Variants in CEP350 observed in about 807,000 individuals in gnomAD.
CEP350 encodes centrosome-associated protein 350.
A neutral mutation model predicts 331.8 loss-of-function variants in CEP350; 126 were observed. The ratio of observed to expected loss-of-function variants is 0.38; its 90% CI spans 0.33 to 0.44. The LOEUF (loss-of-function observed/expected upper bound fraction) is 0.44, where lower values mean the gene tolerates loss of function less well. CEP350 is among the 20% of genes least tolerant of loss of function. The probability of loss-of-function intolerance (pLI) is 1.00; values close to 1 mark genes in which losing one functional copy is unlikely to be tolerated. For synonymous variants in CEP350, 1,200 were observed against 1,259.5 expected, an observed-to-expected ratio of 0.95 and a Z score of 1.00; for missense variants, 3,406 against 3,634.6, an observed-to-expected ratio of 0.94 and a Z score of 1.62.
intron 30 of CEP350, among the ~76,000 whole-genome samples, chr1:180,083,413 A>G (rs879519973): frequency 1.5e-4 from 23 of 152,318 alleles, no homozygotes; most frequent in Middle Eastern, 3.4e-3. Context: ...TTGGAGAGAA[A>G]AGATTTAACT....
chr1:180,109,265 G>GCAC (rs1661343912), intron 37 of CEP350, among the ~76,000 whole-genome samples: 1 of 151,556 alleles, frequency 6.6e-6, no homozygotes, highest in South Asian at 2.1e-4. Flanking sequence ...GATTACAGGT[G>GCAC]CACACAACCA....
Position 179,996,537 on chromosome 1 carries a change from T to C in CEP350, c.396-16T>C, listed in dbSNP as rs1653468368. 6.6e-7 allele frequency: 1 copy of C among 1,513,784 alleles called. No individual in the cohort carries two copies. The highest frequency in any genetic ancestry group is 1.2e-5 in the South Asian group (1 of 80,318). The allele number at this position is 1,513,784 out of a possible 1,614,324, so 93.8% of individuals were successfully genotyped here. On this transcript the variant is annotated splice_polypyrimidine_tract_variant and intron_variant, in intron 5 of 37. Transcript: ENST00000367607. ...TTATTAATCATAGTCACAGAGCTTA[T>C]TATTTTTTATTGTAGGGAAATCCAT...
At chr1:179,994,998 A>G (rs1478376934) in intron 5 of CEP350, among the ~76,000 whole-genome samples, 1 of 152,242 alleles carries the variant, frequency 6.6e-6, no homozygotes, top group Non-Finnish European at 1.5e-5. Context: ...CAATAGAACC[A>G]TTAATGTGAG....
chr1:179,955,990 A>C (rs1650143068), intron 1 of CEP350, among the ~76,000 whole-genome samples: 1 of 152,192 alleles, frequency 6.6e-6, no homozygotes, highest in Non-Finnish European at 1.5e-5. Context: ...TAAAAGAAAG[A>C]CTATCTTTGG....
chr1:179,956,467 G>T (rs1453063217), intron 1 of CEP350, among the ~76,000 whole-genome samples: 4 of 152,086 alleles, frequency 2.6e-5, no homozygotes, highest in Non-Finnish European at 2.9e-5. Flanking sequence ...GAGATAAATT[G>T]GTGTGTGTGT....
chr1:180,075,729 T>C (rs1027797336), intron 28 of CEP350, among the ~76,000 whole-genome samples: 2 of 151,248 alleles, frequency 1.3e-5, no homozygotes, highest in Non-Finnish European at 2.9e-5. Context: ...CCGAGGCAGG[T>C]GGATTGCCTG....
At chr1:180,000,726 A>C (rs1356015758) in intron 6 of CEP350, 1 of 157,726 alleles carries the variant, frequency 6.3e-6, no homozygotes, top group Non-Finnish European at 1.4e-5. Flanking sequence ...TCCAGGGTGA[A>C]GGACATCTAC....
rs772909339 is a variant in CEP350 at position 180,037,005 on chromosome 1, G to T, written c.4026G>T (p.Ser1342=). ...ELSYLNAIEE[S]VRQLSDVERV... is the part of the protein sequence containing the mutation. ...GTTATCTGAACGCCATTGAGGAGTC[G>T]GTGCGCCAACTGTCAGATGTAGAAA... is the stretch of plus-strand genomic sequence containing the variant. The change falls in exon 17 of 38, where the codon TCG becomes TCT. Residue 1342 remains serine, a synonymous_variant. Coordinates refer to ENST00000367607, the MANE Select transcript of CEP350 (RefSeq NM_014810.5). The T allele has an allele frequency of 3.1e-6, 5 of 1,601,090 alleles. No homozygotes were observed. The highest frequency in any genetic ancestry group is 4.3e-6 in the Non-Finnish European group (5 of 1,173,656).
chr1:180,063,859 A>AG (rs1658390331), intron 26 of CEP350, among the ~76,000 whole-genome samples: 2 of 152,180 alleles, frequency 1.3e-5, no homozygotes, highest in Admixed American at 6.5e-5. Flanking sequence ...GTATAGCAGT[A>AG]TAATTTTTAA....
intron 37 of CEP350, among the ~76,000 whole-genome samples, chr1:180,108,478 T>C (rs1293100915): frequency 2.0e-5 from 3 of 151,908 alleles, no homozygotes; most frequent in African/African-American, 7.2e-5. Context: ...CCAGCCTGGG[T>C]GACAGAGTGA....
intron 17 of CEP350, among the ~76,000 whole-genome samples, chr1:180,039,294 A>C (rs77907951): frequency 5.1e-5 from 1 of 19,780 alleles, no homozygotes; most frequent in Non-Finnish European, 9.4e-5. Flanking sequence ...GAGGGAGGGG[A>C]GGGAGGGGAG....
intron 5 of CEP350, among the ~76,000 whole-genome samples, chr1:179,994,456 CTTTT>C (rs532002663): frequency 7.4e-6 from 1 of 136,000 alleles, no homozygotes; most frequent in African/African-American, 2.7e-5. Context: ...TTCTTTCTTT[CTTTT>C]TTTTTTTTTT....
intron 32 of CEP350, among the ~76,000 whole-genome samples, chr1:180,088,286 C>T (rs1558151006): frequency 6.6e-6 from 1 of 151,688 alleles, no homozygotes; most frequent in Non-Finnish European, 1.5e-5. Flanking sequence ...TAAGTTGCAA[C>T]ATTAGAATAT....
At chr1:179,988,439 T>C (rs1335867914) in intron 3 of CEP350, among the ~76,000 whole-genome samples, 3 of 152,194 alleles carry the variant, frequency 2.0e-5, no homozygotes, top group African/African-American at 7.2e-5. Flanking sequence ...TGGATGCCCT[T>C]TATTTCTTTC....
In CEP350 at chr1:180,006,502, A is replaced by C. The variant is rs1654264991; in HGVS notation, c.1181A>C (p.Lys394Thr). ...CCTGCTGAAAAAAGTAAAGAGAAGA[A>C]AGTAGTCAAGCCAGTACGAAAAGTC... ...EKPAEKSKEK[K>T]VVKPVRKVQK... Residue 394 changes from lysine to threonine, a missense_variant, in exon 8 of 38, where the codon AAA becomes ACA. Physicochemically the swap from Lys to Thr is moderately conservative, Grantham distance 78. This residue lies in a region of CEP350 where 1,857 missense variants were observed against 1,909.2 expected (regional missense o/e 0.97). Coordinates refer to ENST00000367607, the MANE Select transcript of CEP350 (RefSeq NM_014810.5). 6.4e-7 allele frequency: 1 copy of C among 1,552,780 alleles called. No homozygotes were observed. Among genetic ancestry groups the C allele is most frequent in the South Asian group, 1.2e-5 (1 of 84,204 alleles).
In CEP350 at chr1:180,084,253, T is replaced by C. The variant is rs138754750; in HGVS notation, c.6285+75T>C. On this transcript the variant is annotated intron_variant, in intron 31 of 37. Coordinates refer to ENST00000367607, the MANE Select transcript of CEP350 (RefSeq NM_014810.5). ...ACGTCTAAAATGTTTTTAATGTTGT[T>C]AATAAAGTAATGGATTAGGATTCTT... The C allele has an allele frequency of 1.0e-4, 132 of 1,293,374 alleles. No homozygotes were observed. In the African/African-American group the frequency reaches 1.8e-3, roughly 17 times the overall value. 80.1% of individuals were successfully genotyped at this position (1,293,374 alleles called of 1,614,324 possible).
chr1:180,054,026 G>A lies in CEP350; in HGVS notation c.5174+92G>A, dbSNP rs1477340330. 6 of 975,532 alleles carry A rather than the reference G, an allele frequency of 6.2e-6. No individual in the cohort carries two copies. The African/African-American group carries it at 8.2e-5, about 13-fold the overall frequency. The allele number at this position is 975,532 out of a possible 1,614,324, so 60.4% of individuals were successfully genotyped here. ...ATTTTTTTGTTTCCTCATTTCATTT[G>A]ATTAGAGCAGCCCAGTTTCTCAAGC... On this transcript the variant is annotated intron_variant, in intron 24 of 37. Coordinates refer to ENST00000367607, the MANE Select transcript of CEP350 (RefSeq NM_014810.5).
intron 1 of CEP350, among the ~76,000 whole-genome samples, chr1:179,971,428 AT>A (rs1651444439): frequency 6.6e-6 from 1 of 152,034 alleles, no homozygotes; most frequent in Non-Finnish European, 1.5e-5. Context: ...GGCTCAAGTG[AT>A]CCTCCAACCT....
chr1:180,032,794 C>T (rs997104987), intron 15 of CEP350, among the ~76,000 whole-genome samples: 2 of 151,914 alleles, frequency 1.3e-5, no homozygotes, highest in South Asian at 2.1e-4. Flanking sequence ...CTTATAAAAC[C>T]CTAAGGTGAG....
Sources: allele counts gnomAD v4.1 joint callset (sites outside exome capture counted in the v4.1 genomes callset), GRCh38; gene constraint gnomAD v4.1.1; regional missense constraint gnomAD v4.1.1; transcripts MANE v1.5; gene names NCBI Gene and HGNC (gene_info 2026-07-23, HGNC 2026-07-21).